MPZL3: variants seen among roughly 807,000 people sequenced by gnomAD.
MPZL3 encodes the protein myelin protein zero like 3.
Under a neutral mutation model 24.8 loss-of-function variants are expected in MPZL3, and 23 were observed. The ratio of observed to expected loss-of-function variants is 0.93; its 90% CI spans 0.67 to 1.31. The LOEUF (loss-of-function observed/expected upper bound fraction) is 1.31. Ranked by LOEUF, MPZL3 falls within the 40% of genes most tolerant of loss-of-function variation. The pLI, the probability that MPZL3 is intolerant of heterozygous loss-of-function variation, is 0.00. For missense variants in MPZL3, 277 were observed against 294.9 expected (o/e 0.94, Z 0.44); for synonymous variants, 99 against 106.5 (o/e 0.93, Z 0.44).
At chr11:118,240,033 C>T (rs952686426) in intron 2 of MPZL3, among the ~76,000 whole-genome samples, 178 bp downstream of exon 2, 2 of 152,172 alleles carry the variant, frequency 1.3e-5, no homozygotes, top group African/African-American at 4.8e-5. Flanking sequence ...AGAATTCTTA[C>T]GTGGGGCCCT....
chr11:118,236,140 G>T (rs1949423096), intron 3 of MPZL3, among the ~76,000 whole-genome samples: 2 of 152,050 alleles, frequency 1.3e-5, no homozygotes, highest in Admixed American at 6.6e-5. Flanking sequence ...AGATCAAAGG[G>T]CCTATATTTT....
chr11:118,247,755 T>G (rs1949571631), intron 1 of MPZL3, among the ~76,000 whole-genome samples: 1 of 152,182 alleles, frequency 6.6e-6, no homozygotes, highest in South Asian at 2.1e-4. Flanking sequence ...ATTACAGTCA[T>G]GAGCCACCAT....
At chr11:118,235,374 A>G (rs1273592858) in intron 4 of MPZL3, 50 bp downstream of exon 4, 2 of 1,594,448 alleles carry the variant, frequency 1.3e-6, no homozygotes, top group Non-Finnish European at 1.7e-6. Flanking sequence ...GTCTGGGTAG[A>G]GCGCTAAGGA....
intron 5 of MPZL3, among the ~76,000 whole-genome samples, chr11:118,230,627 T>C (rs1177303045): frequency 6.6e-6 from 1 of 152,166 alleles, no homozygotes; most frequent in Non-Finnish European, 1.5e-5. Context: ...GACTATTTCA[T>C]ACCCTTCCCT....
intron 5 of MPZL3, among the ~76,000 whole-genome samples, chr11:118,232,736 G>C (rs1290827058): frequency 2.0e-5 from 3 of 152,112 alleles, no homozygotes; most frequent in Non-Finnish European, 4.4e-5. Context: ...AAGTGCATGA[G>C]ACAAAGAAAA....
At chr11:118,239,541 T>C (rs61900653) in intron 2 of MPZL3, among the ~76,000 whole-genome samples, 23 of 152,234 alleles carry the variant, frequency 1.5e-4, no homozygotes, top group Admixed American at 2.6e-4. Flanking sequence ...AAAAATTTTA[T>C]AGCATTTTAA....
chr11:118,246,889 G>A (rs531681376), intron 1 of MPZL3, among the ~76,000 whole-genome samples: 1 of 152,086 alleles, frequency 6.6e-6, no homozygotes, highest in African/African-American at 2.4e-5. Flanking sequence ...CTTAGCCTAG[G>A]CCACTTTTCG....
At chr11:118,234,803 CCT>C (rs1949401923) in intron 4 of MPZL3, among the ~76,000 whole-genome samples, 1 of 151,978 alleles carries the variant, frequency 6.6e-6, no homozygotes. Context: ...ACTCCCCTCC[CCT>C]GACATAGATA....
Position 118,252,139 on chromosome 11 carries a change from A to G in MPZL3, c.73+83T>C, listed in dbSNP as rs1019083170. On this transcript the variant is annotated intron_variant, in intron 1 of 5. Transcript: ENST00000278949. ...AGAGCTATGCGGGGGCTTTCTGGAG[A>G]CCCCCCTACCCGGAACCGGAAAAGC... The G allele has an allele frequency of 8.4e-5, 118 of 1,407,948 alleles. No individual in the cohort carries two copies. The African/African-American group carries it at 1.5e-3, about 18-fold the overall frequency. The allele number at this position is 1,407,948 out of a possible 1,614,324, so 87.2% of individuals were successfully genotyped here.
chr11:118,242,768 G>A (rs73596549), intron 1 of MPZL3, among the ~76,000 whole-genome samples: 7,291 of 152,160 alleles, frequency 0.048, 596 homozygotes, highest in African/African-American at 0.16. Flanking sequence ...GCGGTTCATC[G>A]CCCTTTCTCC....
At chr11:118,246,232 C>G (rs1949554984) in intron 1 of MPZL3, among the ~76,000 whole-genome samples, 1 of 152,176 alleles carries the variant, frequency 6.6e-6, no homozygotes, top group South Asian at 2.1e-4. Context: ...TTGGACAATC[C>G]TATTCACTTG....
chr11:118,232,582 TGG>T, intron 5 of MPZL3, among the ~76,000 whole-genome samples: 5 of 152,132 alleles, frequency 3.3e-5, no homozygotes, highest in African/African-American at 1.2e-4. Context: ...CACTGTTGAA[TGG>T]ATTAATATCT....
In MPZL3 at chr11:118,235,394, C is replaced by T. The variant is rs751148573; in HGVS notation, c.617+30G>A. 5.0e-6 allele frequency: 8 copies of T among 1,610,142 alleles called. No homozygotes were observed. In the Admixed American group the frequency reaches 1.0e-4, roughly 20 times the overall value. On this transcript the variant is annotated intron_variant, in intron 4 of 5. Transcript: ENST00000278949. Reference sequence around the variant, plus strand: ...GGTAGAGCGCTAAGGAGGAAACAGGCTTGCTGCCCAGGGCTCCTGCTGGAC... The same window carrying T: ...GGTAGAGCGCTAAGGAGGAAACAGGTTTGCTGCCCAGGGCTCCTGCTGGAC...
intron 1 of MPZL3, among the ~76,000 whole-genome samples, chr11:118,250,353 A>C: frequency 6.6e-6 from 1 of 151,896 alleles, no homozygotes; most frequent in South Asian, 2.1e-4. Flanking sequence ...CAATAGATAC[A>C]AAAAAATAGA....
At chr11:118,251,378 C>T (rs1027424823) in intron 1 of MPZL3, among the ~76,000 whole-genome samples, 1 of 151,776 alleles carries the variant, frequency 6.6e-6, no homozygotes, top group African/African-American at 2.4e-5. Context: ...TTTCAGAAAT[C>T]CCCATTACCC....
At chr11:118,231,718 C>A (rs770016174) in intron 5 of MPZL3, among the ~76,000 whole-genome samples, 2 of 152,188 alleles carry the variant, frequency 1.3e-5, no homozygotes, top group Non-Finnish European at 2.9e-5. Context: ...TGGAACTACC[C>A]TTGAGTCCTC....
At chr11:118,234,257 T>C (rs1361400687) in intron 4 of MPZL3, among the ~76,000 whole-genome samples, 1 of 152,194 alleles carries the variant, frequency 6.6e-6, no homozygotes, top group African/African-American at 2.4e-5. Flanking sequence ...TGTTAAAACT[T>C]AACAAATATG....
At chr11:118,240,123 G>A in intron 2 of MPZL3, 88 bp downstream of exon 2, 3 of 1,293,860 alleles carry the variant, frequency 2.3e-6, no homozygotes, top group Non-Finnish European at 3.1e-6. Flanking sequence ...ACTCTAAGAT[G>A]AGATGGCCTC....
Position 118,237,166 on chromosome 11 carries a change from G to A in MPZL3, c.335C>T (p.Ser112Phe), listed in dbSNP as rs1208467394. 2 of 1,614,000 alleles carry A rather than the reference G, an allele frequency of 1.2e-6. No individual in the cohort carries two copies. Among genetic ancestry groups the A allele is most frequent in the Non-Finnish European group, 1.7e-6 (2 of 1,179,902 alleles). ...WVGNVYKGDA[S>F]ISISNPTIKD... ...TATGGTAGGGTTGCTTATACTTATAGATGCATCCCCTTTGTATACATTTCC... is the reference window on the plus strand; with the variant it reads ...TATGGTAGGGTTGCTTATACTTATAAATGCATCCCCTTTGTATACATTTCC... Residue 112 changes from serine to phenylalanine, a missense_variant, in exon 3 of 6, where the codon TCT becomes TTT. Physicochemically the swap from Ser to Phe is radical, Grantham distance 155 (BLOSUM62 -2). Coordinates refer to ENST00000278949, the MANE Select transcript of MPZL3 (RefSeq NM_198275.3).
Sources: allele counts gnomAD v4.1 joint callset (sites outside exome capture counted in the v4.1 genomes callset), GRCh38; gene constraint gnomAD v4.1.1; transcripts MANE v1.5; gene names NCBI Gene and HGNC (gene_info 2026-07-23, HGNC 2026-07-21).